Variants in COL5A1 observed in about 807,000 individuals in gnomAD.
COL5A1 encodes the protein collagen type V alpha 1 chain.
A neutral mutation model predicts 263.7 loss-of-function variants in COL5A1; 16 were observed. The ratio of observed to expected loss-of-function variants is 0.06; its 90% confidence interval spans 0.04 to 0.09. The LOEUF is 0.09. Among genes scored for constraint, COL5A1 ranks in the 10% least tolerant of loss-of-function variants. The pLI is 1.00. For missense variants in COL5A1, 2,036 were observed against 2,540.5 expected, an observed-to-expected ratio of 0.80 and a Z score of 4.27; for synonymous variants, 1,012 against 1,004.5, an observed-to-expected ratio of 1.01 and a Z score of -0.14.
chr9:134,768,824 C>T (rs911791726), intron 25 of COL5A1, among the ~76,000 whole-genome samples: 4 of 152,180 alleles, frequency 2.6e-5, no homozygotes, highest in East Asian at 3.9e-4. Context: ...AGGCAGGGTA[C>T]GTGGTGTGTA....
chr9:134,766,352 G>A (rs972872052), intron 21 of COL5A1, 102 bp from the exon 22 acceptor site: 24 of 1,151,396 alleles, frequency 2.1e-5, no homozygotes, highest in East Asian at 2.4e-5. Flanking sequence ...CTGATTCGTC[G>A]TGGGATGGGC....
intron 27 of COL5A1, among the ~76,000 whole-genome samples, chr9:134,775,836 G>T (rs1294924871): frequency 6.6e-6 from 1 of 152,206 alleles, no homozygotes; most frequent in Non-Finnish European, 1.5e-5. Context: ...TCCCTGGTCT[G>T]AAGGGCTTTA....
chr9:134,682,687 G>A lies in COL5A1; in HGVS notation c.110-8225G>A, dbSNP rs1271619803. On this transcript the variant is annotated intron_variant, in intron 1 of 65. Coordinates refer to ENST00000371817, the MANE Select transcript of COL5A1 (RefSeq NM_000093.5). The surrounding 1 kb of genome is among the most constrained non-coding windows in gnomAD (Gnocchi z 5.1). ...CACTGCTCCGGCTCAGGGGGGCACC[G>A]GGACGGGGGAGCTGAGGAAAAGTCA... Among the ~76,000 whole-genome samples, 4 of 152,142 alleles carry A rather than the reference G, an allele frequency of 2.6e-5. No homozygotes were observed. The highest frequency in any genetic ancestry group is 4.4e-5 in the Non-Finnish European group (3 of 68,030).
intron 4 of COL5A1, among the ~76,000 whole-genome samples, chr9:134,702,418 A>G (rs956281697): frequency 7.9e-5 from 12 of 151,582 alleles, no homozygotes; most frequent in African/African-American, 2.9e-4. Context: ...GTGTCTACAC[A>G]TCGGTTCTGC....
At position 134,742,275 on chromosome 9, in the gene COL5A1, G is replaced by A. The variant is rs1835332680; in HGVS notation, c.1494+3467G>A. ...GGAGCAGAGTGCAAGGAGAGGCACA[G>A]AAGTGGGGCCTGCCTTAAGAAACTC... On this transcript the variant is annotated intron_variant, in intron 11 of 65. Transcript: ENST00000371817. The surrounding 1 kb of genome is among the most constrained non-coding windows in gnomAD (Gnocchi z 4.6). Among the ~76,000 whole-genome samples, 1 of 151,138 alleles carries A rather than the reference G, an allele frequency of 6.6e-6. No individual in the cohort carries two copies. Among genetic ancestry groups the A allele is most frequent in the Non-Finnish European group, 1.5e-5 (1 of 67,732 alleles).
intron 25 of COL5A1, among the ~76,000 whole-genome samples, chr9:134,771,927 C>T (rs748476563): frequency 1.3e-5 from 2 of 152,302 alleles, no homozygotes; most frequent in Middle Eastern, 3.4e-3. Context: ...TTTGGCTCAC[C>T]GATCCTGAGC....
intron 9 of COL5A1, among the ~76,000 whole-genome samples, chr9:134,736,091 C>T (rs1156651047): frequency 1.3e-5 from 2 of 152,310 alleles, no homozygotes; most frequent in Non-Finnish European, 2.9e-5. Context: ...ATCTGCAGCC[C>T]CCTGGCCGGG....
intron 7 of COL5A1, among the ~76,000 whole-genome samples, chr9:134,730,768 A>G (rs1834850895): frequency 6.6e-6 from 1 of 152,186 alleles, no homozygotes; most frequent in Non-Finnish European, 1.5e-5. Context: ...CCGGTCTTTG[A>G]GGATTCAGGT....
intron 1 of COL5A1, among the ~76,000 whole-genome samples, chr9:134,658,756 G>A (rs1832110000): frequency 6.6e-6 from 1 of 152,192 alleles, no homozygotes; most frequent in South Asian, 2.1e-4. Context: ...GAGAGCAGCT[G>A]GGAGGCTCTG....
At chr9:134,645,436 C>T (rs567254076) in intron 1 of COL5A1, among the ~76,000 whole-genome samples, 2 of 152,328 alleles carry the variant, frequency 1.3e-5, no homozygotes, top group South Asian at 2.1e-4. Flanking sequence ...CGCTGGAGGG[C>T]GAGGATGAGT....
Position 134,700,221 on chromosome 9 carries a change from C to T in COL5A1, c.491+99C>T. The T allele has an allele frequency of 1.7e-6, 2 of 1,167,588 alleles. No homozygotes were observed. The highest frequency in any genetic ancestry group is 2.5e-6 in the Non-Finnish European group (2 of 815,294). 72.3% of individuals were successfully genotyped at this position (1,167,588 alleles called of 1,614,324 possible). On this transcript the variant is annotated intron_variant, in intron 3 of 65. Transcript: ENST00000371817. This position sits in a 1 kb window ranked among gnomAD's most constrained non-coding sequence, Gnocchi z 4.0. ...GTGGGGCACAGTAGAGGACGTGCAGCAGCCGGTACTGAGACTCCCACAGAC... is the reference window on the plus strand; with the variant it reads ...GTGGGGCACAGTAGAGGACGTGCAGTAGCCGGTACTGAGACTCCCACAGAC...
chr9:134,819,682 T>A (rs1161561680), intron 57 of COL5A1, among the ~76,000 whole-genome samples: 1 of 152,242 alleles, frequency 6.6e-6, no homozygotes, highest in Admixed American at 6.5e-5. Flanking sequence ...TTCTTCTTTT[T>A]TTAGAAAAAC....
intron 38 of COL5A1, 46 bp from the exon 39 acceptor site, chr9:134,802,842 G>T: frequency 7.2e-7 from 1 of 1,392,946 alleles, no homozygotes; most frequent in Non-Finnish European, 1.0e-6. Context: ...TCACTCCCTT[G>T]CAAGTCACTC....
chr9:134,694,032 C>T (rs879944540), intron 2 of COL5A1, among the ~76,000 whole-genome samples: 14 of 152,334 alleles, frequency 9.2e-5, no homozygotes, highest in South Asian at 6.2e-4. Flanking sequence ...CAGGTGGCCA[C>T]GGCAAGGCCT....
Position 134,716,638 on chromosome 9 carries a change from C to A in COL5A1, c.655-10628C>A, listed in dbSNP as rs1174360933. Among the ~76,000 whole-genome samples the A allele has an allele frequency of 6.6e-6, 1 of 152,170 alleles. No individual in the cohort carries two copies. Among genetic ancestry groups the A allele is most frequent in the Non-Finnish European group, 1.5e-5 (1 of 68,030 alleles). ...GCCCCTGCCATTGGTGCTGCCATTT[C>A]GTCCCTTGGTCTAGAGATGAGGCCC... On this transcript the variant is annotated intron_variant, in intron 4 of 65. Coordinates refer to ENST00000371817, the MANE Select transcript of COL5A1 (RefSeq NM_000093.5). The surrounding 1 kb of genome is among the most constrained non-coding windows in gnomAD (Gnocchi z 4.5).
chr9:134,817,759 G>C lies in COL5A1; in HGVS notation c.4177-19G>C. The C allele has an allele frequency of 6.2e-7, 1 of 1,610,608 alleles. No homozygotes were observed. Among genetic ancestry groups the C allele is most frequent in the East Asian group, 2.2e-5 (1 of 44,606 alleles). Reference sequence around the variant, plus strand: ...CTGCAGGCCACACTCACCACCTGCTGTTCTCTTGCTTCTTTCAGGGTCCCC... The same window carrying C: ...CTGCAGGCCACACTCACCACCTGCTCTTCTCTTGCTTCTTTCAGGGTCCCC... On this transcript the variant is annotated intron_variant, in intron 53 of 65. Coordinates refer to ENST00000371817, the MANE Select transcript of COL5A1 (RefSeq NM_000093.5).
chr9:134,810,162 T>C, intron 43 of COL5A1, 93 bp from the exon 44 acceptor site: 1 of 1,396,396 alleles, frequency 7.2e-7, no homozygotes, highest in Middle Eastern at 1.8e-4. Context: ...AAGGACACTG[T>C]TCTTAATCTC....
chr9:134,722,582 C>A (rs1373831383), intron 4 of COL5A1, among the ~76,000 whole-genome samples: 1 of 152,214 alleles, frequency 6.6e-6, no homozygotes, highest in African/African-American at 2.4e-5. Context: ...CCACAGCTGC[C>A]CCTGAAGGCC....
At chr9:134,711,500 C>T (rs867962875) in intron 4 of COL5A1, among the ~76,000 whole-genome samples, 1 of 152,234 alleles carries the variant, frequency 6.6e-6, no homozygotes, top group East Asian at 1.9e-4. Flanking sequence ...ACCACTGCAC[C>T]CCATGGTGCC....
Sources: allele counts gnomAD v4.1 joint callset (sites outside exome capture counted in the v4.1 genomes callset), GRCh38; gene constraint gnomAD v4.1.1; non-coding constraint Gnocchi (gnomAD v3.1); transcripts MANE v1.5; gene names NCBI Gene and HGNC (gene_info 2026-07-23, HGNC 2026-07-21).